The following LRRTM3 variants were observed in gnomAD, a reference collection of about 807,000 sequenced individuals.
The protein encoded by LRRTM3 is leucine rich repeat transmembrane neuronal 3.
A neutral mutation model predicts 44.7 loss-of-function variants in LRRTM3; 24 were observed. That is an observed-to-expected ratio of 0.54 (90% CI 0.39 to 0.76). The LOEUF (loss-of-function observed/expected upper bound fraction) is 0.76, where lower values mean the gene tolerates loss of function less well. LRRTM3 is among the 30% of genes least tolerant of loss of function. The pLI, the probability that LRRTM3 is intolerant of heterozygous loss-of-function variation, is 0.00. For synonymous variants in LRRTM3, 277 were observed against 278.7 expected (o/e 0.99, Z 0.06); for missense variants, 587 against 702.2 (o/e 0.84, Z 1.85).
intron 2 of LRRTM3, among the ~76,000 whole-genome samples, chr10:67,073,720 CAA>C (rs977806240): frequency 2.0e-5 from 3 of 151,684 alleles, no homozygotes; most frequent in African/African-American, 7.3e-5. Flanking sequence ...CAAAAAAAAT[CAA>C]AGACAGATAA....
intron 2 of LRRTM3, among the ~76,000 whole-genome samples, chr10:67,064,082 CT>C (rs1328465601): frequency 6.6e-6 from 1 of 152,148 alleles, no homozygotes; most frequent in Admixed American, 6.5e-5. Context: ...TAATAGTGCA[CT>C]TATTTCTAGT....
At chr10:66,957,721 C>T (rs1848900730) in intron 2 of LRRTM3, among the ~76,000 whole-genome samples, 1 of 151,774 alleles carries the variant, frequency 6.6e-6, no homozygotes, top group Non-Finnish European at 1.5e-5. Context: ...AACATGGGGA[C>T]AGCATCAGCA....
intron 2 of LRRTM3, among the ~76,000 whole-genome samples, chr10:67,078,771 C>T (rs1481164535): frequency 6.6e-6 from 1 of 152,104 alleles, no homozygotes; most frequent in Non-Finnish European, 1.5e-5. Flanking sequence ...CCACCTCGGC[C>T]CCCCAACGTG....
Position 66,991,862 on chromosome 10 carries a change from G to A in LRRTM3, c.1536+63410G>A, listed in dbSNP as rs115132390. ...CAAATACTTTCATTTAATCAGTTATGATTATTTTATACCAAAGAAATCTCA... is the reference window on the plus strand; with the variant it reads ...CAAATACTTTCATTTAATCAGTTATAATTATTTTATACCAAAGAAATCTCA... On this transcript the variant is annotated intron_variant, in intron 2 of 2. Transcript: ENST00000361320. Among the ~76,000 whole-genome samples, 341 of 152,136 alleles carry A rather than the reference G, an allele frequency of 2.2e-3. 1 individual carries two copies. Among genetic ancestry groups the A allele is most frequent in the African/African-American group, 7.9e-3 (329 of 41,510 alleles).
At position 66,981,920 on chromosome 10, in the gene LRRTM3, A is replaced by C. The variant is rs367894172; in HGVS notation, c.1536+53468A>C. Reference sequence around the variant, plus strand: ...ATCAAAAGAACAAAGAGAAAATGAAATCCACAGGAAGCTCCCAAAGGCTGC... The same window carrying C: ...ATCAAAAGAACAAAGAGAAAATGAACTCCACAGGAAGCTCCCAAAGGCTGC... On this transcript the variant is annotated intron_variant, in intron 2 of 2. Transcript: ENST00000361320. Among the ~76,000 whole-genome samples the C allele has an allele frequency of 3.3e-5, 5 of 152,172 alleles. No individual in the cohort carries two copies. In the East Asian group the frequency reaches 9.6e-4, roughly 29 times the overall value.
chr10:67,094,832 T>C (rs760298126), intron 2 of LRRTM3, among the ~76,000 whole-genome samples: 2 of 151,712 alleles, frequency 1.3e-5, no homozygotes, highest in African/African-American at 2.4e-5. Context: ...TGTACACACA[T>C]GTGCATACAT....
intron 2 of LRRTM3, among the ~76,000 whole-genome samples, chr10:67,044,626 C>A (rs1223727983): frequency 6.6e-6 from 1 of 152,120 alleles, no homozygotes; most frequent in Non-Finnish European, 1.5e-5. Context: ...TGACACAGCT[C>A]ATGTTATATT....
At position 66,928,291 on chromosome 10, in the gene LRRTM3, C is replaced by A; in HGVS notation, c.1375C>A (p.Arg459=). 6.2e-7 allele frequency: 1 copy of A among 1,614,078 alleles called. No individual in the cohort carries two copies. The highest frequency in any genetic ancestry group is 8.5e-7 in the Non-Finnish European group (1 of 1,180,018). The change falls in exon 2 of 3, where the codon CGA becomes AGA. Residue 459 remains arginine, a synonymous_variant. Transcript: ENST00000361320. ...GCAGCTGCAGCAGCGCTCCCTCATG[C>A]GAAGGCACAGGAAAAAGAAAAGACA... ...MKQLQQRSLM[R]RHRKKKRQSL...
chr10:66,959,764 C>G, intron 2 of LRRTM3, among the ~76,000 whole-genome samples: 1 of 152,150 alleles, frequency 6.6e-6, no homozygotes, highest in South Asian at 2.1e-4. Context: ...CTTTTCCTAG[C>G]TTTAATTTTC....
At chr10:66,950,816 T>C (rs1290987654) in intron 2 of LRRTM3, among the ~76,000 whole-genome samples, 1 of 152,116 alleles carries the variant, frequency 6.6e-6, no homozygotes, top group African/African-American at 2.4e-5. Context: ...GTGAGGGGCA[T>C]AGAGAGAGAT....
At chr10:66,998,712 G>T (rs1851509223) in intron 2 of LRRTM3, among the ~76,000 whole-genome samples, 1 of 152,126 alleles carries the variant, frequency 6.6e-6, no homozygotes. Context: ...AATATACAAA[G>T]TAAAATTGAG....
At chr10:67,067,896 G>A (rs1244711348) in intron 2 of LRRTM3, among the ~76,000 whole-genome samples, 1 of 152,294 alleles carries the variant, frequency 6.6e-6, no homozygotes, top group Non-Finnish European at 1.5e-5. Flanking sequence ...AGGGTCCATT[G>A]GCAACACAAA....
At chr10:67,040,636 A>T (rs189139115) in intron 2 of LRRTM3, among the ~76,000 whole-genome samples, 58 of 152,246 alleles carry the variant, frequency 3.8e-4, no homozygotes, top group Non-Finnish European at 5.4e-4. Context: ...AACAGTATAC[A>T]ATGGTGACAT....
chr10:66,939,964 C>A (rs115744652), intron 2 of LRRTM3, among the ~76,000 whole-genome samples: 1 of 152,072 alleles, frequency 6.6e-6, no homozygotes, highest in African/African-American at 2.4e-5. Context: ...TACCCCTATA[C>A]GCATCTTGCT....
intron 2 of LRRTM3, among the ~76,000 whole-genome samples, chr10:67,027,219 G>C (rs1402865525): frequency 1.3e-5 from 2 of 152,020 alleles, no homozygotes; most frequent in Non-Finnish European, 2.9e-5. Flanking sequence ...GGAGAGATGA[G>C]GAAAGGAAGG....
intron 2 of LRRTM3, among the ~76,000 whole-genome samples, chr10:66,957,086 C>T (rs1291744793): frequency 2.0e-5 from 3 of 152,108 alleles, no homozygotes; most frequent in Non-Finnish European, 4.4e-5. Flanking sequence ...ATGTATCTAT[C>T]ACACATTTCC....
chr10:66,933,807 A>G (rs1371693880), intron 2 of LRRTM3, among the ~76,000 whole-genome samples: 5 of 152,324 alleles, frequency 3.3e-5, no homozygotes, highest in African/African-American at 9.6e-5. Context: ...GAATGACAAA[A>G]GGCTTCCTCC....
chr10:66,963,268 C>G (rs911937172), intron 2 of LRRTM3, among the ~76,000 whole-genome samples: 18 of 152,178 alleles, frequency 1.2e-4, no homozygotes, highest in African/African-American at 3.9e-4. Context: ...TTGACACAAA[C>G]AGACTTTTAG....
At chr10:67,072,008 C>T (rs1027496682) in intron 2 of LRRTM3, among the ~76,000 whole-genome samples, 2 of 152,146 alleles carry the variant, frequency 1.3e-5, no homozygotes, top group African/African-American at 4.8e-5. Context: ...GGTTGGAGTG[C>T]TGTGCACGAT....
Sources: allele counts gnomAD v4.1 joint callset (sites outside exome capture counted in the v4.1 genomes callset), GRCh38; gene constraint gnomAD v4.1.1; transcripts MANE v1.5; gene names NCBI Gene and HGNC (gene_info 2026-07-23, HGNC 2026-07-21).